RNF150: variants seen among roughly 807,000 people sequenced by gnomAD.
RNF150 encodes ring finger protein 150.
Under a neutral mutation model 39.3 loss-of-function variants are expected in RNF150, and 24 were observed. The ratio of observed to expected loss-of-function variants is 0.61; its 90% CI spans 0.44 to 0.86. The LOEUF is 0.86. RNF150 is among the 40% of genes least tolerant of loss of function. RNF150 has a pLI of 0.00. For synonymous variants in RNF150, 255 were observed against 227.3 expected, an observed-to-expected ratio of 1.12 and a Z score of -1.10; for missense variants, 502 against 587.8, an observed-to-expected ratio of 0.85 and a Z score of 1.51.
rs953501052 is a variant in RNF150, at chr4:140,863,201, G to A, written c.*5060C>T. On this transcript the variant is annotated 3_prime_UTR_variant, in exon 7 of 7. Transcript: ENST00000515673. ...GTTTTTCCAAGAAATCCTAACCCTG[G>A]GGGCTCAGGCGAATGAGGAGGGTCA... The A allele has an allele frequency of 6.6e-6, 1 of 152,170 alleles. No homozygotes were observed. Among genetic ancestry groups the A allele is most frequent in the Non-Finnish European group, 1.5e-5 (1 of 68,046 alleles). The allele number at this position is 152,170 out of a possible 1,614,324, so 9.4% of individuals were successfully genotyped here.
chr4:140,897,994 A>G (rs1451312235), intron 6 of RNF150, among the ~76,000 whole-genome samples: 3 of 152,144 alleles, frequency 2.0e-5, no homozygotes, highest in African/African-American at 4.8e-5. Flanking sequence ...GGAAATTTCA[A>G]TACCTCTCTC....
intron 4 of RNF150, among the ~76,000 whole-genome samples, chr4:140,934,585 C>G (rs1178956519): frequency 1.3e-5 from 2 of 152,212 alleles, no homozygotes; most frequent in East Asian, 1.9e-4. Context: ...AGAAAACATA[C>G]AGAGGAAGTA....
chr4:141,205,267 T>C (rs1728356067), intron 1 of RNF150, among the ~76,000 whole-genome samples: 1 of 152,192 alleles, frequency 6.6e-6, no homozygotes, highest in African/African-American at 2.4e-5. Context: ...TCACATACAA[T>C]GTTTATAAGA....
At chr4:141,056,262 A>G (rs931494117) in intron 1 of RNF150, among the ~76,000 whole-genome samples, 3 of 152,186 alleles carry the variant, frequency 2.0e-5, no homozygotes, top group Admixed American at 1.3e-4. Flanking sequence ...TTGGCTGGGC[A>G]TGGTGGCTTA....
chr4:140,928,169 A>C (rs1731469480), intron 4 of RNF150, among the ~76,000 whole-genome samples: 1 of 152,238 alleles, frequency 6.6e-6, no homozygotes, highest in Admixed American at 6.5e-5. Flanking sequence ...GAAGCACAGC[A>C]GGAGAGGCAG....
intron 2 of RNF150, among the ~76,000 whole-genome samples, chr4:140,960,428 T>C (rs367780791): frequency 2.0e-5 from 3 of 152,170 alleles, no homozygotes; most frequent in Non-Finnish European, 2.9e-5. Context: ...TTATAATTCA[T>C]AAGAAACACT....
At position 140,865,548 on chromosome 4, in the gene RNF150, T is replaced by G. The variant is rs1415476919; in HGVS notation, c.*2713A>C. 6.8e-6 allele frequency: 1 copy of G among 147,580 alleles called. No homozygotes were observed. Among genetic ancestry groups the G allele is most frequent in the African/African-American group, 2.5e-5 (1 of 39,878 alleles). 9.1% of individuals were successfully genotyped at this position (147,580 alleles called of 1,614,324 possible). On this transcript the variant is annotated 3_prime_UTR_variant, in exon 7 of 7. Transcript: ENST00000515673. ...AGAAACTTTCTGGTTAAGCTTTTTT[T>G]TTTTCTTTTTTTTTTTTTTTTTAAA...
chr4:140,994,438 G>T (rs1460816678), intron 1 of RNF150, among the ~76,000 whole-genome samples: 2 of 152,094 alleles, frequency 1.3e-5, no homozygotes, highest in Admixed American at 6.6e-5. Flanking sequence ...GATAAATATT[G>T]ATTGTGGGGC....
At chr4:141,053,590 T>C in intron 1 of RNF150, 1 of 667,990 alleles carries the variant, frequency 1.5e-6, no homozygotes, top group East Asian at 3.4e-5. Flanking sequence ...GAAAGAAAAT[T>C]GATTAGAAAG....
intron 2 of RNF150, among the ~76,000 whole-genome samples, chr4:140,962,046 T>C (rs1422898121): frequency 7.0e-6 from 1 of 142,360 alleles, no homozygotes; most frequent in Non-Finnish European, 1.5e-5. Context: ...ATCGTCTGAT[T>C]AACATCTCTC....
At chr4:141,074,364 G>C (rs528219818) in intron 1 of RNF150, among the ~76,000 whole-genome samples, 34 of 151,312 alleles carry the variant, frequency 2.2e-4, no homozygotes, top group African/African-American at 8.3e-4. Flanking sequence ...GAATGGGAAA[G>C]AGTGATTCCA....
intron 1 of RNF150, among the ~76,000 whole-genome samples, chr4:141,063,264 T>C (rs1273289235): frequency 6.6e-6 from 1 of 152,244 alleles, no homozygotes; most frequent in East Asian, 1.9e-4. Flanking sequence ...GGATCTGAAT[T>C]AAGCAGATGT....
intron 1 of RNF150, among the ~76,000 whole-genome samples, chr4:141,114,928 G>A (rs761024459): frequency 1.3e-5 from 2 of 152,082 alleles, no homozygotes; most frequent in Non-Finnish European, 2.9e-5. Context: ...AAAGGCTTTC[G>A]ATACAATTCA....
At chr4:141,202,259 A>C (rs1012587411) in intron 1 of RNF150, among the ~76,000 whole-genome samples, 1 of 152,154 alleles carries the variant, frequency 6.6e-6, no homozygotes, top group East Asian at 1.9e-4. Flanking sequence ...CTCATGTACC[A>C]TCTCACTGTT....
At chr4:141,212,478 T>C (rs1258803718) in intron 1 of RNF150, among the ~76,000 whole-genome samples, 2 of 152,164 alleles carry the variant, frequency 1.3e-5, no homozygotes, top group Non-Finnish European at 2.9e-5. Context: ...TGCTTGAAGG[T>C]GGGCTTGTGG....
At chr4:140,902,223 T>A (rs995635284) in intron 6 of RNF150, among the ~76,000 whole-genome samples, 2 of 152,054 alleles carry the variant, frequency 1.3e-5, no homozygotes, top group African/African-American at 4.8e-5. Flanking sequence ...AAAGGCAGAA[T>A]GAACAGGGAT....
intron 1 of RNF150, among the ~76,000 whole-genome samples, chr4:141,117,071 A>C (rs2111076325): frequency 6.6e-6 from 1 of 152,194 alleles, no homozygotes; most frequent in South Asian, 2.1e-4. Flanking sequence ...GGTGCAGCAA[A>C]CCACCATGGC....
chr4:141,003,566 TACACACACACACAC>T (rs70946725), intron 1 of RNF150, among the ~76,000 whole-genome samples: 82 of 142,552 alleles, frequency 5.8e-4, no homozygotes, highest in Non-Finnish European at 9.1e-4. Flanking sequence ...CCCTAGCACG[TACACACACACACAC>T]ACACACACAC....
In RNF150 at chr4:141,122,734, G is replaced by A. The variant is rs969469743; in HGVS notation, c.484+9591C>T. 2.6e-5 allele frequency among the ~76,000 whole-genome samples: 4 copies of A among 151,974 alleles called. No homozygotes were observed. In the East Asian group the frequency reaches 5.8e-4, roughly 22 times the overall value. The stretch of plus-strand genomic sequence containing the variant: ...TTTTTAAAAGCTATAAAAACACACC[G>A]GCAATATATTACCCATTTGATAAAA... On this transcript the variant is annotated intron_variant, in intron 1 of 6. Transcript: ENST00000515673.
Sources: gnomAD v4.1 joint callset for allele counts (sites outside exome capture counted in the v4.1 genomes callset) on GRCh38, gnomAD v4.1.1 for gene constraint, MANE v1.5 for transcripts, NCBI Gene and HGNC (gene_info 2026-07-23, HGNC 2026-07-21) for gene names.